MTCH2: variants seen among roughly 807,000 people sequenced by gnomAD.
MTCH2 encodes the protein mitochondrial carrier 2.
A neutral mutation model predicts 50.6 loss-of-function variants in MTCH2; 25 were observed. The observed-to-expected ratio is 0.49, with a 90% CI of 0.36 to 0.69. MTCH2 has a LOEUF of 0.69. Among genes scored for constraint, MTCH2 ranks in the 30% least tolerant of loss-of-function variants. The pLI, the probability that MTCH2 is intolerant of heterozygous loss-of-function variation, is 0.00. For synonymous variants in MTCH2, 106 were observed against 132.0 expected (o/e 0.80, Z 1.35); for missense variants, 273 against 384.4 (o/e 0.71, Z 2.42).
At chr11:47,618,983 T>C in intron 12 of MTCH2, 64 bp from the exon 13 acceptor site, 1 of 1,456,340 alleles carries the variant, frequency 6.9e-7, no homozygotes, top group Admixed American at 1.7e-5. Flanking sequence ...CCAATCCAAA[T>C]CAGCAGAGAG....
Position 47,618,366 on chromosome 11 carries a change from T to G in MTCH2, c.*467A>C, listed in dbSNP as rs2097290001. The G allele has an allele frequency of 9.8e-6, 2 of 204,450 alleles. No individual in the cohort carries two copies. The highest frequency in any genetic ancestry group is 1.9e-5 in the Non-Finnish European group (2 of 102,956). 12.7% of individuals were successfully genotyped at this position (204,450 alleles called of 1,614,324 possible). On this transcript the variant is annotated 3_prime_UTR_variant, in exon 13 of 13. Transcript: ENST00000302503. ...AATGTGCTTAGAAGCATAATGGGAG[T>G]CAGATTCTGGTGCATGCTACTGACA...
At chr11:47,616,986 A>G (rs2097288825), downstream of MTCH2, among the ~76,000 whole-genome samples, 1 of 152,156 alleles carries the variant, frequency 6.6e-6, no homozygotes, top group Non-Finnish European at 1.5e-5. Flanking sequence ...GCCCGGTCGC[A>G]TGTGTTTCTT....
intron 7 of MTCH2, 123 bp from the exon 8 acceptor site, chr11:47,630,737 G>T: frequency 2.2e-6 from 2 of 890,764 alleles, no homozygotes; most frequent in Non-Finnish European, 1.8e-6. Context: ...CACTTTTCTA[G>T]CACTCTCTCA....
intron 7 of MTCH2, among the ~76,000 whole-genome samples, chr11:47,630,830 G>A (rs574716516): frequency 6.6e-6 from 1 of 152,280 alleles, no homozygotes; most frequent in East Asian, 1.9e-4. Flanking sequence ...CAGGGGCTCT[G>A]CAACTTACTC....
At chr11:47,628,146 A>T (rs1220859982) in intron 9 of MTCH2, among the ~76,000 whole-genome samples, 2 of 152,318 alleles carry the variant, frequency 1.3e-5, no homozygotes, top group East Asian at 3.8e-4. Flanking sequence ...TCAATTTATC[A>T]TCATGCTATG....
At chr11:47,614,683 G>A (rs902586953), downstream of MTCH2, among the ~76,000 whole-genome samples, 4 of 152,138 alleles carry the variant, frequency 2.6e-5, no homozygotes, top group African/African-American at 2.4e-5. Flanking sequence ...CTGGGTTTCA[G>A]CGATTCTCCT....
At chr11:47,613,068 AT>A (rs560795101), downstream of MTCH2, among the ~76,000 whole-genome samples, 336 of 144,780 alleles carry the variant, frequency 2.3e-3, no homozygotes, top group Middle Eastern at 3.6e-3. Flanking sequence ...TGCCTGGCTA[AT>A]TTTTTTTTTT....
At chr11:47,624,397 T>A (rs987809012) in intron 11 of MTCH2, among the ~76,000 whole-genome samples, 6 of 152,192 alleles carry the variant, frequency 3.9e-5, no homozygotes, top group Admixed American at 3.3e-4. Flanking sequence ...TAATTCTGGT[T>A]CTTTAAAACT....
At chr11:47,604,829 G>A in the MTCH2 span, among the ~76,000 whole-genome samples, 1 of 152,142 alleles carries the variant, frequency 6.6e-6, no homozygotes, top group South Asian at 2.1e-4. Flanking sequence ...TAAAAAGCAT[G>A]CATTTGCTTA....
chr11:47,615,812 G>C (rs894164583), downstream of MTCH2, among the ~76,000 whole-genome samples: 2 of 145,742 alleles, frequency 1.4e-5, no homozygotes, highest in African/African-American at 5.1e-5. Context: ...TATTAGTAGA[G>C]ACAGGGTTTC....
At chr11:47,630,178 A>G (rs1332742600) in intron 8 of MTCH2, among the ~76,000 whole-genome samples, 4 of 152,094 alleles carry the variant, frequency 2.6e-5, no homozygotes, top group African/African-American at 7.2e-5. Flanking sequence ...ACAGGCACAC[A>G]CCACCACACC....
chr11:47,633,522 ATATATTT>A (rs1476947568), intron 5 of MTCH2, among the ~76,000 whole-genome samples: 1 of 26,520 alleles, frequency 3.8e-5, no homozygotes, highest in Non-Finnish European at 7.3e-5. Flanking sequence ...ATATATATAT[ATATATTT>A]TTTTTTTTTT....
chr11:47,641,832 C>T (rs575214826), intron 1 of MTCH2, among the ~76,000 whole-genome samples: 1 of 152,184 alleles, frequency 6.6e-6, no homozygotes, highest in South Asian at 2.1e-4. Context: ...TCTGAATGAG[C>T]TCCTTGTGTT....
At chr11:47,609,119 T>A in the MTCH2 span, among the ~76,000 whole-genome samples, 1 of 79,802 alleles carries the variant, frequency 1.3e-5, no homozygotes, top group African/African-American at 5.1e-5. Flanking sequence ...AGCAAAACTC[T>A]GTCTCAAAAA....
downstream of MTCH2, among the ~76,000 whole-genome samples, chr11:47,615,462 A>G (rs1039809786): frequency 3.9e-5 from 6 of 152,168 alleles, no homozygotes; most frequent in African/African-American, 7.2e-5. Flanking sequence ...ACTCTCAGTG[A>G]CTTCACAAAG....
In MTCH2 at chr11:47,635,535, T is replaced by A; in HGVS notation, c.306+10A>T. On this transcript the variant is annotated intron_variant, in intron 4 of 12. Transcript: ENST00000302503. ...AAGGCCCTCATGCTTAGAAATCAGC[T>A]CCAACATACCTCACCCTTGTCACTC... is the stretch of plus-strand genomic sequence containing the variant. The A allele has an allele frequency of 6.2e-7, 1 of 1,613,392 alleles. No homozygotes were observed. The highest frequency in any genetic ancestry group is 8.5e-7 in the Non-Finnish European group (1 of 1,179,542).
chr11:47,630,338 T>C (rs1293679797), intron 8 of MTCH2, among the ~76,000 whole-genome samples: 2 of 152,118 alleles, frequency 1.3e-5, no homozygotes, highest in African/African-American at 4.8e-5. Flanking sequence ...AAGTAAAGGT[T>C]TGGGATCTTT....
rs4623856 is a variant in MTCH2, at chr11:47,617,973, T to A, written c.*860A>T. 5.9e-5 allele frequency: 9 copies of A among 152,184 alleles called. No homozygotes were observed. The highest frequency in any genetic ancestry group is 1.9e-4 in the East Asian group (1 of 5,198). 9.4% of individuals were successfully genotyped at this position (152,184 alleles called of 1,614,324 possible). A position where few individuals can be genotyped will look rare whatever the true frequency, so the allele number is the denominator to read the frequency against. On this transcript the variant is annotated 3_prime_UTR_variant, in exon 13 of 13. Coordinates refer to ENST00000302503, the MANE Select transcript of MTCH2 (RefSeq NM_014342.4). ...ACAAAAGATTATATATAATTAGAAC[T>A]GTATGGTGTAATTTAAGCACTGGCA...
At chr11:47,630,635 G>C (rs374502716) in intron 7 of MTCH2, 21 bp from the exon 8 acceptor site, 546 of 1,584,822 alleles carry the variant, frequency 3.4e-4, no homozygotes, top group Non-Finnish European at 4.5e-4. Context: ...AAGAAGAAAA[G>C]GTAAAATATA....
Sources: gnomAD v4.1 joint callset for allele counts (sites outside exome capture counted in the v4.1 genomes callset) on GRCh38, gnomAD v4.1.1 for gene constraint, MANE v1.5 for transcripts, NCBI Gene and HGNC (gene_info 2026-07-23, HGNC 2026-07-21) for gene names.